Variants in ATRNL1 observed in about 807,000 individuals in gnomAD.
ATRNL1 encodes attractin like 1.
In ATRNL1, 95 loss-of-function variants were observed where a neutral mutation model predicts 182.7. The observed-to-expected ratio is 0.52, with a 90% CI of 0.44 to 0.62. The LOEUF is 0.62. Among genes scored for constraint, ATRNL1 ranks in the 20% least tolerant of loss-of-function variants. ATRNL1 has a pLI of 0.00. For missense variants in ATRNL1, 1,471 were observed against 1,679.5 expected (o/e 0.88, Z 2.17); for synonymous variants, 576 against 568.3 (o/e 1.01, Z -0.19).
chr10:115,245,016 A>T (rs561289101), intron 10 of ATRNL1, among the ~76,000 whole-genome samples: 2 of 152,340 alleles, frequency 1.3e-5, no homozygotes, highest in East Asian at 3.9e-4. Context: ...TTTCAAAATA[A>T]ATTCCCTGAA....
At chr10:115,820,324 G>A (rs1950262511) in intron 27 of ATRNL1, 1 of 152,038 alleles carries the variant, frequency 6.6e-6, no homozygotes, top group Non-Finnish European at 1.5e-5. Flanking sequence ...AGAATATATT[G>A]ATTGTCTTCC....
intron 18 of ATRNL1, among the ~76,000 whole-genome samples, chr10:115,318,400 T>C (rs968929596): frequency 6.6e-6 from 1 of 152,144 alleles, no homozygotes; most frequent in Non-Finnish European, 1.5e-5. Flanking sequence ...ATGCTGGCTT[T>C]ATAAAATTAG....
At chr10:115,494,357 A>G (rs2134668385) in intron 24 of ATRNL1, among the ~76,000 whole-genome samples, 1 of 152,204 alleles carries the variant, frequency 6.6e-6, no homozygotes, top group Middle Eastern at 3.4e-3. Flanking sequence ...TGTGGCCAGG[A>G]CTTCCAGTAC....
At chr10:115,620,819 G>T (rs561210954) in intron 26 of ATRNL1, among the ~76,000 whole-genome samples, 1 of 152,244 alleles carries the variant, frequency 6.6e-6, no homozygotes, top group South Asian at 2.1e-4. Flanking sequence ...TACACACAAA[G>T]ATATAGCTTT....
chr10:115,888,060 C>G (rs782312362), intron 28 of ATRNL1, among the ~76,000 whole-genome samples: 11 of 152,186 alleles, frequency 7.2e-5, no homozygotes, highest in Non-Finnish European at 1.0e-4. Context: ...AGACAGAAAT[C>G]TGTAAGGTGG....
intron 21 of ATRNL1, among the ~76,000 whole-genome samples, chr10:115,453,271 G>A (rs576114565): frequency 1.4e-3 from 209 of 152,116 alleles, no homozygotes; most frequent in African/African-American, 4.2e-3. Context: ...AGAAGACACC[G>A]TACTGTTTTT....
At chr10:115,782,011 T>C (rs1369105241) in intron 27 of ATRNL1, among the ~76,000 whole-genome samples, 1 of 152,202 alleles carries the variant, frequency 6.6e-6, no homozygotes, top group Non-Finnish European at 1.5e-5. Flanking sequence ...ATTTAGGATA[T>C]TTGTTCCAAA....
At chr10:115,212,950 T>C (rs1215135232) in intron 8 of ATRNL1, among the ~76,000 whole-genome samples, 1 of 152,088 alleles carries the variant, frequency 6.6e-6, no homozygotes, top group Non-Finnish European at 1.5e-5. Context: ...CCCCGTGACA[T>C]AGATTTACCA....
At position 115,215,896 on chromosome 10, in the gene ATRNL1, A is replaced by T; in HGVS notation, c.1532+16A>T. The T allele has an allele frequency of 6.8e-7, 1 of 1,472,512 alleles. No homozygotes were observed. Among genetic ancestry groups the T allele is most frequent in the Non-Finnish European group, 9.0e-7 (1 of 1,108,862 alleles). The allele number at this position is 1,472,512 out of a possible 1,614,324, so 91.2% of individuals were successfully genotyped here. On this transcript the variant is annotated intron_variant, in intron 9 of 28. Coordinates refer to ENST00000355044, the MANE Select transcript of ATRNL1 (RefSeq NM_207303.4). ...CTAAGACTTGGTGAGTACACAAAATAACACATTTTCTATGTTGCCATTATT... is the reference window on the plus strand; with the variant it reads ...CTAAGACTTGGTGAGTACACAAAATTACACATTTTCTATGTTGCCATTATT...
chr10:115,484,152 T>A (rs1554974734), intron 24 of ATRNL1, among the ~76,000 whole-genome samples: 1 of 151,570 alleles, frequency 6.6e-6, no homozygotes, highest in Non-Finnish European at 1.5e-5. Context: ...AAATCTTAGA[T>A]CTTTTTCATA....
intron 20 of ATRNL1, among the ~76,000 whole-genome samples, chr10:115,405,906 T>C (rs1220838623): frequency 7.2e-6 from 1 of 139,568 alleles, no homozygotes. Flanking sequence ...TGTATTCTCA[T>C]TGTTCAGTTC....
At chr10:115,457,030 G>A (rs1847557909) in intron 21 of ATRNL1, among the ~76,000 whole-genome samples, 2 of 152,124 alleles carry the variant, frequency 1.3e-5, no homozygotes, top group Non-Finnish European at 2.9e-5. Context: ...CTGCAGCTTG[G>A]TGAATGGGAG....
intron 19 of ATRNL1, among the ~76,000 whole-genome samples, chr10:115,347,157 G>A (rs4391748): frequency 0.97 from 148,236 of 152,290 alleles, 72,302 homozygotes; most frequent in East Asian, 1. Flanking sequence ...TGTTACTGAC[G>A]TGATACATTT....
chr10:115,672,641 C>G (rs1464983637), intron 26 of ATRNL1, among the ~76,000 whole-genome samples: 1 of 151,980 alleles, frequency 6.6e-6, no homozygotes, highest in Non-Finnish European at 1.5e-5. Flanking sequence ...AAAGTAATAA[C>G]TTTTCTTATT....
At chr10:115,171,404 A>G in intron 8 of ATRNL1, 112 bp downstream of exon 8, 1 of 942,284 alleles carries the variant, frequency 1.1e-6, no homozygotes, top group Non-Finnish European at 1.5e-6. Context: ...TTGAAATTAT[A>G]AGCTGATAAT....
chr10:115,248,322 A>G (rs1850731201), intron 10 of ATRNL1, among the ~76,000 whole-genome samples: 1 of 152,162 alleles, frequency 6.6e-6, no homozygotes, highest in South Asian at 2.1e-4. Context: ...AATGTAAAAA[A>G]GGAAAAAAGT....
intron 28 of ATRNL1, among the ~76,000 whole-genome samples, chr10:115,886,370 C>T (rs569148823): frequency 1.4e-4 from 22 of 152,180 alleles, no homozygotes; most frequent in East Asian, 9.7e-4. Flanking sequence ...CAAAATTAGC[C>T]GGGTGTGGTG....
intron 26 of ATRNL1, among the ~76,000 whole-genome samples, chr10:115,607,734 G>A (rs1488782282): frequency 1.3e-5 from 2 of 151,744 alleles, no homozygotes; most frequent in Non-Finnish European, 3.0e-5. Flanking sequence ...CATAAATATT[G>A]CAATGTGTTA....
intron 18 of ATRNL1, among the ~76,000 whole-genome samples, chr10:115,316,087 A>G (rs1266877266): frequency 2.0e-5 from 3 of 151,868 alleles, no homozygotes; most frequent in Non-Finnish European, 4.4e-5. Flanking sequence ...CTATTGACCC[A>G]TCCTCTGAGT....
Sources: gnomAD v4.1 joint callset for allele counts (sites outside exome capture counted in the v4.1 genomes callset) on GRCh38, gnomAD v4.1.1 for gene constraint, MANE v1.5 for transcripts, NCBI Gene and HGNC (gene_info 2026-07-23, HGNC 2026-07-21) for gene names.